Variants in ATP6V1B2 observed in about 807,000 individuals in gnomAD.
ATP6V1B2 encodes the protein V-type proton ATPase subunit B, brain isoform.
ATP6V1B2 carries 23 observed loss-of-function variants against 66.7 expected under a neutral mutation model. That is an observed-to-expected ratio of 0.34 (90% confidence interval 0.25 to 0.49). The LOEUF (loss-of-function observed/expected upper bound fraction) is 0.49. Among genes scored for constraint, ATP6V1B2 ranks in the 20% least tolerant of loss-of-function variants. ATP6V1B2 has a pLI of 0.99. For missense variants in ATP6V1B2, 478 were observed against 650.8 expected, an observed-to-expected ratio of 0.73 and a Z score of 2.89; for synonymous variants, 278 against 236.7, an observed-to-expected ratio of 1.17 and a Z score of -1.60.
At chr8:20,207,578 A>T (rs2072751742) in intron 2 of ATP6V1B2, among the ~76,000 whole-genome samples, 1 of 151,476 alleles carries the variant, frequency 6.6e-6, no homozygotes, top group South Asian at 2.1e-4. Context: ...AATAATAATA[A>T]AATAAAATAA....
intron 12 of ATP6V1B2, among the ~76,000 whole-genome samples, chr8:20,217,685 A>G (rs1410445909): frequency 6.6e-6 from 1 of 152,208 alleles, no homozygotes; most frequent in Admixed American, 6.5e-5. Context: ...TCACCAGAAC[A>G]CTAAAGTATA....
rs902808312 is a variant in ATP6V1B2, at chr8:20,221,364, C to G, written c.*962C>G. The G allele has an allele frequency of 6.6e-6, 1 of 152,466 alleles. No homozygotes were observed. Among genetic ancestry groups the G allele is most frequent in the Non-Finnish European group, 1.5e-5 (1 of 68,056 alleles). The allele number at this position is 152,466 out of a possible 1,614,324, so 9.4% of individuals were successfully genotyped here. A position where few individuals can be genotyped will look rare whatever the true frequency, so the allele number is the denominator to read the frequency against. On this transcript the variant is annotated 3_prime_UTR_variant, in exon 14 of 14. Coordinates refer to ENST00000276390, the MANE Select transcript of ATP6V1B2 (RefSeq NM_001693.4). Reference sequence around the variant, plus strand: ...CCAATTTGGTTCTGCTTTTTGACCTCTCTCTACCTTTTCAGGGTAATCTTT... The same window carrying G: ...CCAATTTGGTTCTGCTTTTTGACCTGTCTCTACCTTTTCAGGGTAATCTTT...
rs117004341 is a variant in ATP6V1B2, at chr8:20,201,474, T to G, written c.137-3010T>G. 8.2e-3 allele frequency among the ~76,000 whole-genome samples: 1,253 copies of G among 152,268 alleles called. 8 individuals are homozygous for G. Among genetic ancestry groups the G allele is most frequent in the South Asian group, 0.018 (88 of 4,828 alleles). The stretch of plus-strand genomic sequence containing the variant: ...TGCTTGGTTTTCTTTGCAGATAGTT[T>G]TAGTACCATGGAGAAGAGCTGTAGT... On this transcript the variant is annotated intron_variant, in intron 1 of 13. Coordinates refer to ENST00000276390, the MANE Select transcript of ATP6V1B2 (RefSeq NM_001693.4).
At chr8:20,216,573 A>G in intron 11 of ATP6V1B2, 78 bp downstream of exon 11, 1 of 1,369,412 alleles carries the variant, frequency 7.3e-7, no homozygotes, top group Non-Finnish European at 1.0e-6. Flanking sequence ...TTTTGCTCTT[A>G]GGAATTGCTT....
At position 20,220,621 on chromosome 8, in the gene ATP6V1B2, A is replaced by C. The variant is rs992323203; in HGVS notation, c.*219A>C. ...CCTGGGTCCTCAGTGCTATGTTTAA[A>C]GTGCTGCAGGGATGGAGTGGCGTTT... On this transcript the variant is annotated 3_prime_UTR_variant, in exon 14 of 14. Transcript: ENST00000276390. 1.8e-6 allele frequency: 1 copy of C among 557,604 alleles called. No homozygotes were observed. The highest frequency in any genetic ancestry group is 4.3e-5 in the Admixed American group (1 of 23,516). The allele number at this position is 557,604 out of a possible 1,614,324, so 34.5% of individuals were successfully genotyped here. A position where few individuals can be genotyped will look rare whatever the true frequency, so the allele number is the denominator to read the frequency against.
rs1158494514 is a variant in ATP6V1B2, at chr8:20,216,823, A to G, written c.1161+328A>G. ...AAAAATGACTTTTCCATGCCTCTCT[A>G]GTAGATGCTGACTTCTAAAATCAGC... is the stretch of plus-strand genomic sequence containing the variant. On this transcript the variant is annotated intron_variant, in intron 11 of 13. Transcript: ENST00000276390. The G allele has an allele frequency of 2.6e-5, 7 of 265,832 alleles. No homozygotes were observed. In the East Asian group the frequency reaches 4.5e-4, roughly 17 times the overall value. The allele number at this position is 265,832 out of a possible 1,614,324, so 16.5% of individuals were successfully genotyped here.
intron 10 of ATP6V1B2, 184 bp from the exon 11 acceptor site, chr8:20,216,229 G>A (rs548497986): frequency 1.8e-5 from 9 of 487,968 alleles, no homozygotes; most frequent in South Asian, 3.3e-5. Flanking sequence ...AATGGCTACC[G>A]TACTGCACAG....
Position 20,212,146 on chromosome 8 carries a change from A to G in ATP6V1B2, c.750A>G (p.Glu250=). ...GGTTCTTCAAATCTGACTTTGAAGA[A>G]AATGGCTCAATGGACAATGTCTGCC... ...TARFFKSDFE[E]NGSMDNVCLF... The change falls in exon 8 of 14, where the codon GAA becomes GAG. Residue 250 remains glutamate (E), a synonymous_variant. Coordinates refer to ENST00000276390, the MANE Select transcript of ATP6V1B2 (RefSeq NM_001693.4). 6.2e-7 allele frequency: 1 copy of G among 1,613,748 alleles called. No individual in the cohort carries two copies. Among genetic ancestry groups the G allele is most frequent in the Non-Finnish European group, 8.5e-7 (1 of 1,179,796 alleles).
chr8:20,215,186 T>C (rs2072841228), intron 10 of ATP6V1B2: 1 of 464,960 alleles, frequency 2.2e-6, no homozygotes. Flanking sequence ...TTTTTAACTT[T>C]ATTAGGTACT....
chr8:20,208,776 T>G (rs2072763422), intron 2 of ATP6V1B2, among the ~76,000 whole-genome samples: 1 of 151,674 alleles, frequency 6.6e-6, no homozygotes, highest in Non-Finnish European at 1.5e-5. Context: ...GGCACGATCT[T>G]GGCTCACTGC....
intron 10 of ATP6V1B2, 50 bp downstream of exon 10, chr8:20,215,018 A>G: frequency 6.4e-7 from 1 of 1,568,164 alleles, no homozygotes; most frequent in Non-Finnish European, 8.7e-7. Context: ...TTAAAGAGAG[A>G]GAAGACCCAT....
At chr8:20,200,687 G>T (rs1179983867) in intron 1 of ATP6V1B2, among the ~76,000 whole-genome samples, 1 of 152,158 alleles carries the variant, frequency 6.6e-6, no homozygotes, top group Admixed American at 6.5e-5. Flanking sequence ...TATGTATTTT[G>T]AATTTGGTCA....
At chr8:20,216,831 C>T (rs560102604) in intron 11 of ATP6V1B2, 41 of 258,130 alleles carry the variant, frequency 1.6e-4, no homozygotes, top group Non-Finnish European at 2.7e-4. Context: ...CTAGTAGATG[C>T]TGACTTCTAA....
At chr8:20,205,115 A>T (rs1048640539) in intron 2 of ATP6V1B2, among the ~76,000 whole-genome samples, 1 of 152,360 alleles carries the variant, frequency 6.6e-6, no homozygotes, top group South Asian at 2.1e-4. Context: ...GCAGGTGCCC[A>T]TTAACGTTTT....
chr8:20,217,113 G>A, intron 11 of ATP6V1B2, 107 bp from the exon 12 acceptor site: 2 of 924,924 alleles, frequency 2.2e-6, no homozygotes, highest in Non-Finnish European at 3.4e-6. Flanking sequence ...TGCAGCGGTT[G>A]TCTTTGATTT....
intron 1 of ATP6V1B2, among the ~76,000 whole-genome samples, chr8:20,201,330 G>A (rs1474658891): frequency 6.6e-6 from 1 of 152,150 alleles, no homozygotes; most frequent in African/African-American, 2.4e-5. Flanking sequence ...GTTTTGAAGG[G>A]CAACTTAATG....
At chr8:20,211,513 A>C in intron 6 of ATP6V1B2, 139 bp from the exon 7 acceptor site, 2 of 1,281,344 alleles carry the variant, frequency 1.6e-6, no homozygotes, top group Non-Finnish European at 2.1e-6. Flanking sequence ...AAAAGTACAA[A>C]ATAGTTTTGT....
rs186826370 is a variant in ATP6V1B2, at chr8:20,204,180, G to A, written c.137-304G>A. 1.8e-3 allele frequency: 691 copies of A among 393,938 alleles called. 2 individuals carry two copies. Among genetic ancestry groups the A allele is most frequent in the Non-Finnish European group, 2.7e-3 (567 of 208,132 alleles). 24.4% of individuals were successfully genotyped at this position (393,938 alleles called of 1,614,324 possible). A position where few individuals can be genotyped will look rare whatever the true frequency, so the allele number is the denominator to read the frequency against. ...CATCACATTCTAACTCCACCCCCTCGCATAAGACTGAACTTTTGAGACAAG... is the reference window on the plus strand; with the variant it reads ...CATCACATTCTAACTCCACCCCCTCACATAAGACTGAACTTTTGAGACAAG... On this transcript the variant is annotated intron_variant, in intron 1 of 13. Transcript: ENST00000276390.
intron 2 of ATP6V1B2, among the ~76,000 whole-genome samples, chr8:20,208,285 A>G (rs1435893191): frequency 6.6e-6 from 1 of 152,216 alleles, no homozygotes; most frequent in Non-Finnish European, 1.5e-5. Flanking sequence ...CTCCACTGGT[A>G]AAAGAACAGC....
Sources: allele counts gnomAD v4.1 joint callset (sites outside exome capture counted in the v4.1 genomes callset), GRCh38; gene constraint gnomAD v4.1.1; transcripts MANE v1.5; gene names NCBI Gene and HGNC (gene_info 2026-07-23, HGNC 2026-07-21).